The following IGF2BP2 variants were observed in gnomAD, a reference collection of about 807,000 sequenced individuals.
IGF2BP2 encodes the protein insulin-like growth factor 2 mRNA-binding protein 2.
IGF2BP2 carries 17 observed loss-of-function variants against 75.8 expected under a neutral mutation model. The ratio of observed to expected loss-of-function variants is 0.22; its 90% CI spans 0.15 to 0.34. IGF2BP2 has a LOEUF of 0.34. Ranked by LOEUF, IGF2BP2 falls within the 10% of genes least tolerant of loss-of-function variation. IGF2BP2 has a pLI of 1.00. For missense variants in IGF2BP2, 516 were observed against 772.4 expected (o/e 0.67, Z 3.93); for synonymous variants, 288 against 295.6 (o/e 0.97, Z 0.26).
chr3:185,797,409 C>T (rs1737569345), intron 2 of IGF2BP2, among the ~76,000 whole-genome samples: 1 of 152,188 alleles, frequency 6.6e-6, no homozygotes, highest in Non-Finnish European at 1.5e-5. Context: ...CTCTTACAAG[C>T]CTATGCTAAT....
intron 2 of IGF2BP2, among the ~76,000 whole-genome samples, chr3:185,748,782 T>C (rs1171762949): frequency 2.0e-5 from 3 of 152,230 alleles, no homozygotes; most frequent in Admixed American, 6.5e-5. Context: ...TCCAATGCCA[T>C]TGATAACCTC....
chr3:185,785,187 G>C (rs1289918622), intron 2 of IGF2BP2, among the ~76,000 whole-genome samples: 1 of 151,566 alleles, frequency 6.6e-6, no homozygotes, highest in Non-Finnish European at 1.5e-5. Flanking sequence ...TGTAATCCCA[G>C]CTACTCGGGA....
rs114694301 is a variant in IGF2BP2, at chr3:185,650,238, T to C, written c.1462-704A>G. Among the ~76,000 whole-genome samples the C allele has an allele frequency of 3.1e-3, 477 of 152,106 alleles. 5 individuals are homozygous for C. The highest frequency in any genetic ancestry group is 0.011 in the African/African-American group (448 of 41,500). ...TTCAACATAATCTTTCTTTTTGATG[T>C]CTAACTCCAAAGGCAGAGGAGCCAA... is the stretch of plus-strand genomic sequence containing the variant. On this transcript the variant is annotated intron_variant, in intron 13 of 15. Coordinates refer to ENST00000382199, the MANE Select transcript of IGF2BP2 (RefSeq NM_006548.6).
At chr3:185,673,975 A>T (rs1718907357) in intron 9 of IGF2BP2, among the ~76,000 whole-genome samples, 1 of 152,204 alleles carries the variant, frequency 6.6e-6, no homozygotes, top group Non-Finnish European at 1.5e-5. Context: ...TACTTCCACA[A>T]ATATATCCAA....
chr3:185,716,882 AT>A, intron 2 of IGF2BP2: 1 of 476,954 alleles, frequency 2.1e-6, no homozygotes, highest in Non-Finnish European at 4.1e-6. Flanking sequence ...TGTTCGTGGA[AT>A]TTATCACATC....
At chr3:185,745,025 A>T (rs1042537912) in intron 2 of IGF2BP2, among the ~76,000 whole-genome samples, 1 of 152,198 alleles carries the variant, frequency 6.6e-6, no homozygotes, top group Non-Finnish European at 1.5e-5. Flanking sequence ...AGAAAGTAAC[A>T]TCGTGTGGAG....
chr3:185,707,031 T>G (rs1724120045), intron 2 of IGF2BP2, among the ~76,000 whole-genome samples: 1 of 151,960 alleles, frequency 6.6e-6, no homozygotes, highest in Admixed American at 6.6e-5. Flanking sequence ...CATAAGCCAC[T>G]GTGCCCAGAG....
chr3:185,653,949 G>A (rs1041544486), intron 12 of IGF2BP2, among the ~76,000 whole-genome samples: 4 of 152,130 alleles, frequency 2.6e-5, no homozygotes, highest in African/African-American at 9.7e-5. Context: ...GAGATCCTCC[G>A]GGAAGACCTC....
chr3:185,662,388 G>C (rs1716592985), intron 10 of IGF2BP2, among the ~76,000 whole-genome samples: 1 of 151,202 alleles, frequency 6.6e-6, no homozygotes, highest in African/African-American at 2.4e-5. Context: ...TGAGGCAGGG[G>C]AACTGCTTGA....
intron 2 of IGF2BP2, chr3:185,821,200 A>G (rs1290920968): frequency 1.5e-6 from 2 of 1,321,510 alleles, no homozygotes; most frequent in East Asian, 2.6e-5. Flanking sequence ...AAACCATCCA[A>G]TCAGAAATGA....
At chr3:185,699,929 T>G (rs1255613946) in intron 2 of IGF2BP2, among the ~76,000 whole-genome samples, 1 of 152,194 alleles carries the variant, frequency 6.6e-6, no homozygotes, top group Non-Finnish European at 1.5e-5. Context: ...AAAAGAACAG[T>G]ATAAGTTATG....
intron 2 of IGF2BP2, among the ~76,000 whole-genome samples, chr3:185,762,931 AGCAAAATACT>A (rs2149703564): frequency 6.6e-6 from 1 of 152,326 alleles, no homozygotes; most frequent in African/African-American, 2.4e-5. Context: ...ATATGAGAAG[AGCAAAATACT>A]TACTTTTTAT....
chr3:185,722,148 G>T, intron 2 of IGF2BP2: 3 of 418,418 alleles, frequency 7.2e-6, no homozygotes, highest in Admixed American at 2.6e-5. Flanking sequence ...TGCCCAGGCT[G>T]GTCTCAAATT....
intron 8 of IGF2BP2, 140 bp downstream of exon 8, chr3:185,675,651 T>C (rs765224284): frequency 1.1e-5 from 14 of 1,219,730 alleles, no homozygotes; most frequent in African/African-American, 1.5e-5. Flanking sequence ...ATTTATGTAT[T>C]TTTTTAAAAG....
At chr3:185,811,018 A>C (rs1202519345) in intron 2 of IGF2BP2, among the ~76,000 whole-genome samples, 1 of 152,148 alleles carries the variant, frequency 6.6e-6, no homozygotes, top group Non-Finnish European at 1.5e-5. Flanking sequence ...ATGTATTATG[A>C]AATACTACAT....
intron 2 of IGF2BP2, among the ~76,000 whole-genome samples, chr3:185,707,840 T>G (rs1724266576): frequency 1.3e-5 from 2 of 152,186 alleles, no homozygotes; most frequent in South Asian, 4.1e-4. Flanking sequence ...ATCCCTCTCC[T>G]CAACTCATTC....
At chr3:185,670,489 T>C (rs947109456) in intron 10 of IGF2BP2, among the ~76,000 whole-genome samples, 1 of 152,216 alleles carries the variant, frequency 6.6e-6, no homozygotes, top group African/African-American at 2.4e-5. Flanking sequence ...AAAACTTTAT[T>C]AATGAAAATA....
chr3:185,712,217 C>T (rs1038565917), intron 2 of IGF2BP2, among the ~76,000 whole-genome samples: 7 of 152,236 alleles, frequency 4.6e-5, no homozygotes, highest in Non-Finnish European at 1.0e-4. Context: ...CCCTGATTAC[C>T]ATACTTACTA....
At chr3:185,680,063 G>T (rs1720145397) in intron 7 of IGF2BP2, among the ~76,000 whole-genome samples, 1 of 151,752 alleles carries the variant, frequency 6.6e-6, no homozygotes, top group Non-Finnish European at 1.5e-5. Flanking sequence ...CAAATCCTTA[G>T]CTAGATTAAG....
Sources: allele counts gnomAD v4.1 joint callset (sites outside exome capture counted in the v4.1 genomes callset), GRCh38; gene constraint gnomAD v4.1.1; transcripts MANE v1.5; gene names NCBI Gene and HGNC (gene_info 2026-07-23, HGNC 2026-07-21).